PALLD: variants seen among roughly 807,000 people sequenced by gnomAD.
The protein encoded by PALLD is palladin.
PALLD carries 61 observed loss-of-function variants against 123.5 expected under a neutral mutation model. The observed-to-expected ratio is 0.49, with a 90% CI of 0.40 to 0.61. The LOEUF (loss-of-function observed/expected upper bound fraction) is 0.61, where lower values mean the gene tolerates loss of function less well. PALLD is among the 20% of genes least tolerant of loss of function. PALLD has a pLI of 0.00. For synonymous variants in PALLD, 465 were observed against 496.4 expected (o/e 0.94, Z 0.84); for missense variants, 1,273 against 1,377.0 (o/e 0.92, Z 1.20).
chr4:168,835,126 G>C (rs567412479), intron 10 of PALLD, among the ~76,000 whole-genome samples: 2 of 152,232 alleles, frequency 1.3e-5, no homozygotes, highest in African/African-American at 4.8e-5. Flanking sequence ...ACTATAAAAA[G>C]GTGTATTCGA....
intron 2 of PALLD, among the ~76,000 whole-genome samples, chr4:168,632,833 A>C (rs942982820): frequency 1.3e-5 from 2 of 152,172 alleles, no homozygotes; most frequent in African/African-American, 4.8e-5. Context: ...GAGTTCCCCT[A>C]ATCTATTTGC....
intron 10 of PALLD, among the ~76,000 whole-genome samples, chr4:168,805,626 C>G (rs1258977664): frequency 6.6e-6 from 1 of 152,128 alleles, no homozygotes; most frequent in Non-Finnish European, 1.5e-5. Context: ...TCCCACCCAC[C>G]CCTAAACTCG....
chr4:168,883,015 CAGTG>C (rs1379069311), intron 10 of PALLD, among the ~76,000 whole-genome samples: 1 of 150,874 alleles, frequency 6.6e-6, no homozygotes, highest in East Asian at 1.9e-4. Context: ...CGCTTGAACA[CAGTG>C]GGTGAGGTTG....
At chr4:168,879,464 T>A (rs573372733) in intron 10 of PALLD, among the ~76,000 whole-genome samples, 1 of 152,322 alleles carries the variant, frequency 6.6e-6, no homozygotes, top group Non-Finnish European at 1.5e-5. Context: ...GCCAGAAGCA[T>A]ACTATTGTTC....
intron 1 of PALLD, among the ~76,000 whole-genome samples, chr4:168,505,542 A>T (rs1025401210): frequency 6.6e-6 from 1 of 152,250 alleles, no homozygotes; most frequent in African/African-American, 2.4e-5. Context: ...AGTTTGATAC[A>T]TTGCTTAGGA....
At chr4:168,845,353 A>G (rs1746678841) in intron 10 of PALLD, among the ~76,000 whole-genome samples, 1 of 152,208 alleles carries the variant, frequency 6.6e-6, no homozygotes, top group Non-Finnish European at 1.5e-5. Flanking sequence ...TCTGTCTTAG[A>G]TAATAGTTGG....
intron 2 of PALLD, among the ~76,000 whole-genome samples, chr4:168,606,024 C>A (rs1240276631): frequency 1.3e-5 from 2 of 151,946 alleles, no homozygotes; most frequent in African/African-American, 2.4e-5. Flanking sequence ...TGCTAAAGTA[C>A]CTTCTGTAAG....
chr4:168,681,435 A>G, intron 4 of PALLD, 37 bp downstream of exon 4: 1 of 1,314,356 alleles, frequency 7.6e-7, no homozygotes, highest in Non-Finnish European at 1.1e-6. Context: ...TGTGGAAACA[A>G]AGAATGGCAA....
Position 168,740,483 on chromosome 4 carries a change from T to G in PALLD, c.1964+28560T>G, listed in dbSNP as rs1788213973. Among the ~76,000 whole-genome samples the G allele has an allele frequency of 2.0e-5, 3 of 152,342 alleles. No individual in the cohort carries two copies. The South Asian group carries it at 6.2e-4, about 32-fold the overall frequency. Reference sequence around the variant, plus strand: ...AGGAGTTTCATCTCCCAAAATTTCCTCATGCTGTGGTTTTTTTTCTGAGCT... The same window carrying G: ...AGGAGTTTCATCTCCCAAAATTTCCGCATGCTGTGGTTTTTTTTCTGAGCT... On this transcript the variant is annotated intron_variant, in intron 10 of 21. Transcript: ENST00000505667.
chr4:168,813,819 C>G (rs963538296), intron 10 of PALLD, among the ~76,000 whole-genome samples: 1 of 151,636 alleles, frequency 6.6e-6, no homozygotes, highest in Non-Finnish European at 1.5e-5. Flanking sequence ...ATTTGGACCT[C>G]CCTCAAAAAA....
intron 4 of PALLD, among the ~76,000 whole-genome samples, chr4:168,682,545 GA>G (rs1453847257): frequency 6.6e-6 from 1 of 151,896 alleles, no homozygotes; most frequent in Non-Finnish European, 1.5e-5. Context: ...TTAGAAACCA[GA>G]AAAAAGAACA....
chr4:168,542,025 C>A (rs1205982318), intron 2 of PALLD, among the ~76,000 whole-genome samples: 1 of 152,096 alleles, frequency 6.6e-6, no homozygotes, highest in Admixed American at 6.6e-5. Flanking sequence ...TTTGCGTTAT[C>A]ACTATGTGCT....
chr4:168,814,564 C>T (rs996585186), intron 10 of PALLD, among the ~76,000 whole-genome samples: 1 of 152,104 alleles, frequency 6.6e-6, no homozygotes, highest in Non-Finnish European at 1.5e-5. Context: ...TCCTCAAAAG[C>T]GACATAACTG....
chr4:168,652,309 C>T (rs952916918), intron 2 of PALLD, among the ~76,000 whole-genome samples: 1 of 152,048 alleles, frequency 6.6e-6, no homozygotes, highest in African/African-American at 2.4e-5. Context: ...AGGAAACTAC[C>T]AAAATATGTA....
At chr4:168,884,587 TTTCTC>T (rs760446960) in intron 10 of PALLD, among the ~76,000 whole-genome samples, 38 of 152,342 alleles carry the variant, frequency 2.5e-4, no homozygotes, top group African/African-American at 7.9e-4. Context: ...CTTCCATTCT[TTTCTC>T]TTATCTCTTT....
chr4:168,652,308 C>T (rs1778133298), intron 2 of PALLD, among the ~76,000 whole-genome samples: 1 of 152,136 alleles, frequency 6.6e-6, no homozygotes, highest in Admixed American at 6.5e-5. Flanking sequence ...CAGGAAACTA[C>T]CAAAATATGT....
intron 10 of PALLD, among the ~76,000 whole-genome samples, chr4:168,758,450 A>G (rs949548284): frequency 2.0e-5 from 3 of 152,158 alleles, no homozygotes; most frequent in African/African-American, 7.2e-5. Context: ...AGCCCTTCTA[A>G]AGAATCCACT....
intron 2 of PALLD, among the ~76,000 whole-genome samples, chr4:168,523,360 A>G (rs1763751864): frequency 6.6e-6 from 1 of 152,160 alleles, no homozygotes; most frequent in South Asian, 2.1e-4. Context: ...AAAGATCTTC[A>G]AAATAATTTT....
At chr4:168,797,754 C>T (rs1200581791) in intron 10 of PALLD, among the ~76,000 whole-genome samples, 1 of 152,106 alleles carries the variant, frequency 6.6e-6, no homozygotes, top group East Asian at 1.9e-4. Context: ...GTTGAACACA[C>T]AGCTGATTTA....
Sources: allele counts gnomAD v4.1 joint callset (sites outside exome capture counted in the v4.1 genomes callset), GRCh38; gene constraint gnomAD v4.1.1; transcripts MANE v1.5; gene names NCBI Gene and HGNC (gene_info 2026-07-23, HGNC 2026-07-21).